Variants in SLC16A7 observed in about 807,000 individuals in gnomAD.
SLC16A7 encodes solute carrier family 16 member 7.
Under a neutral mutation model 34.9 loss-of-function variants are expected in SLC16A7, and 33 were observed. The observed-to-expected ratio is 0.94, with a 90% CI of 0.72 to 1.26. SLC16A7 has a LOEUF of 1.26. SLC16A7 is among the 50% of genes most tolerant of loss of function. SLC16A7 has a pLI of 0.00. For missense variants in SLC16A7, 573 were observed against 578.1 expected, an observed-to-expected ratio of 0.99 and a Z score of 0.09; for synonymous variants, 201 against 206.6, an observed-to-expected ratio of 0.97 and a Z score of 0.23.
chr12:59,615,052 G>T (rs577854416), intron 1 of SLC16A7, among the ~76,000 whole-genome samples: 18 of 151,600 alleles, frequency 1.2e-4, no homozygotes, highest in African/African-American at 3.6e-4. Context: ...AAGAGGCTCC[G>T]TGCAGCATTT....
chr12:59,690,856 A>G (rs1871565184), intron 2 of SLC16A7, among the ~76,000 whole-genome samples: 1 of 151,996 alleles, frequency 6.6e-6, no homozygotes. Flanking sequence ...TAAACACTAG[A>G]TAATATCTAT....
intron 4 of SLC16A7, among the ~76,000 whole-genome samples, chr12:59,773,700 G>A (rs2137450811): frequency 6.6e-6 from 1 of 152,202 alleles, no homozygotes; most frequent in Non-Finnish European, 1.5e-5. Context: ...AAGTAGCTGG[G>A]ATTACAGGCA....
At chr12:59,639,903 G>T (rs1880599230) in intron 1 of SLC16A7, among the ~76,000 whole-genome samples, 1 of 152,150 alleles carries the variant, frequency 6.6e-6, no homozygotes, top group Non-Finnish European at 1.5e-5. Flanking sequence ...ATCACATGTA[G>T]TATGTCCCCA....
At position 59,774,657 on chromosome 12, in the gene SLC16A7, G is replaced by T; in HGVS notation, c.362G>T (p.Gly121Val). The T allele has an allele frequency of 1.9e-6, 3 of 1,561,142 alleles. No individual in the cohort carries two copies. Among genetic ancestry groups the T allele is most frequent in the Middle Eastern group, 1.9e-4 (1 of 5,366 alleles). ...CCCACTTTTGTTTTGTTCTTTTTAG[G>T]TTTAGGTTTAGCCTTCAACCTGCAA... ...QLYLTMGFITGLGLAFNLQPA... is the reference protein window; with the variant it reads ...QLYLTMGFITVLGLAFNLQPA... The change falls in exon 5 of 6, where the codon GGT becomes GTT. Residue 121 changes from glycine to valine, a missense_variant and splice_region_variant. Transcript: ENST00000547379.
chr12:59,750,617 G>A (rs988874374), intron 3 of SLC16A7, among the ~76,000 whole-genome samples: 2 of 152,218 alleles, frequency 1.3e-5, no homozygotes, highest in African/African-American at 2.4e-5. Context: ...TGGTGGAAGT[G>A]TAAATTAGTT....
chr12:59,700,119 G>A (rs1872716820), intron 2 of SLC16A7, among the ~76,000 whole-genome samples: 1 of 151,764 alleles, frequency 6.6e-6, no homozygotes, highest in Non-Finnish European at 1.5e-5. Flanking sequence ...CAATGTCAGT[G>A]AATCAGCAAT....
rs1324579419 is a variant in SLC16A7, at chr12:59,786,904, A to G, written c.*7225A>G. Reference sequence around the variant, plus strand: ...ATATAACAACCCTACTTGATAGTTTATAGCCCAAATGAATATATTTTTCCA... The same window carrying G: ...ATATAACAACCCTACTTGATAGTTTGTAGCCCAAATGAATATATTTTTCCA... On this transcript the variant is annotated 3_prime_UTR_variant, in exon 6 of 6. Transcript: ENST00000547379. The G allele has an allele frequency of 1.3e-5, 2 of 152,160 alleles. No individual in the cohort carries two copies. The highest frequency in any genetic ancestry group is 2.4e-5 in the African/African-American group (1 of 41,458). 9.4% of individuals were successfully genotyped at this position (152,160 alleles called of 1,614,324 possible).
At chr12:59,639,998 C>A (rs912026438) in intron 1 of SLC16A7, among the ~76,000 whole-genome samples, 2 of 152,048 alleles carry the variant, frequency 1.3e-5, no homozygotes, top group African/African-American at 4.8e-5. Flanking sequence ...TAGAACAGCT[C>A]GCAGAACTCA....
Position 59,614,734 on chromosome 12 carries a change from C to T in SLC16A7, c.-130+18498C>T, listed in dbSNP as rs140135469. On this transcript the variant is annotated intron_variant, in intron 1 of 5. Coordinates refer to ENST00000547379, the MANE Select transcript of SLC16A7 (RefSeq NM_001270623.2). ...GCATGGTGGCTCAAGGCTGTAATCC[C>T]ACCCAGCACTTTGGGAGGCCGAAGC... Among the ~76,000 whole-genome samples the T allele has an allele frequency of 5.7e-3, 849 of 149,344 alleles. 5 individuals carry two copies. The highest frequency in any genetic ancestry group is 0.02 in the African/African-American group (813 of 40,388).
rs140968673 is a variant in SLC16A7, at chr12:59,771,337, G to A, written c.336G>A (p.Leu112=). Residue 112 remains leucine (L), a synonymous_variant, in exon 4 of 6, where the codon CTG becomes CTA. Coordinates refer to ENST00000547379, the MANE Select transcript of SLC16A7 (RefSeq NM_001270623.2). ...CCTTTAGTAGCAGCGTGGTACAGCTGTACCTCACTATGGGATTCATTACAG... is the reference window on the plus strand; with the variant it reads ...CCTTTAGTAGCAGCGTGGTACAGCTATACCTCACTATGGGATTCATTACAG... ...LASFSSSVVQ[L]YLTMGFITGL... 1.6e-5 allele frequency: 26 copies of A among 1,609,678 alleles called. No individual in the cohort carries two copies. Among genetic ancestry groups the A allele is most frequent in the Non-Finnish European group, 2.0e-5 (23 of 1,177,992 alleles).
intron 3 of SLC16A7, among the ~76,000 whole-genome samples, chr12:59,727,622 T>A (rs148320734): frequency 8.4e-4 from 128 of 152,256 alleles, no homozygotes; most frequent in Non-Finnish European, 1.8e-4. Flanking sequence ...TTAAGTTCTA[T>A]AACAAAGGAA....
intron 1 of SLC16A7, among the ~76,000 whole-genome samples, chr12:59,613,281 A>C (rs960420253): frequency 3.9e-5 from 6 of 152,218 alleles, no homozygotes; most frequent in African/African-American, 1.4e-4. Flanking sequence ...CTCACTCACT[A>C]TCATGAGAAA....
intron 1 of SLC16A7, among the ~76,000 whole-genome samples, chr12:59,602,584 A>T (rs1275180806): frequency 6.7e-6 from 1 of 149,746 alleles, no homozygotes; most frequent in East Asian, 2.0e-4. Context: ...CCTGAGTTCA[A>T]GTGATTCTCC....
rs1883781446 is a variant in SLC16A7 at position 59,788,606 on chromosome 12, A to G, written c.*8927A>G. ...ATAATACATTTAAAATACCTGTCAA[A>G]GTTTTAAAATATAAGATAGAACCTT... On this transcript the variant is annotated 3_prime_UTR_variant, in exon 6 of 6. Coordinates refer to ENST00000547379, the MANE Select transcript of SLC16A7 (RefSeq NM_001270623.2). 1 of 152,048 alleles carries G rather than the reference A, an allele frequency of 6.6e-6. No homozygotes were observed. The highest frequency in any genetic ancestry group is 2.1e-4 in the South Asian group (1 of 4,830). 9.4% of individuals were successfully genotyped at this position (152,048 alleles called of 1,614,324 possible).
chr12:59,787,666 T>A lies in SLC16A7; in HGVS notation c.*7987T>A, dbSNP rs1883718342. ...GCCTAGTTCATCAAGATATTTACCC[T>A]AAAAACACATTTTAATAAAAATTTG... On this transcript the variant is annotated 3_prime_UTR_variant, in exon 6 of 6. Transcript: ENST00000547379. 2 of 152,190 alleles carry A rather than the reference T, an allele frequency of 1.3e-5. No homozygotes were observed. Among genetic ancestry groups the A allele is most frequent in the Non-Finnish European group, 2.9e-5 (2 of 68,026 alleles). The allele number at this position is 152,190 out of a possible 1,614,324, so 9.4% of individuals were successfully genotyped here.
intron 1 of SLC16A7, among the ~76,000 whole-genome samples, chr12:59,640,769 C>A (rs1164916321): frequency 6.6e-6 from 1 of 151,958 alleles, no homozygotes; most frequent in Non-Finnish European, 1.5e-5. Flanking sequence ...CATCCTTCAT[C>A]TTGGAAGCCT....
chr12:59,626,344 T>C (rs1822024661), intron 1 of SLC16A7, among the ~76,000 whole-genome samples: 1 of 151,786 alleles, frequency 6.6e-6, no homozygotes, highest in African/African-American at 2.4e-5. Context: ...AGTTATGTTC[T>C]GGGTTATTTC....
intron 1 of SLC16A7, among the ~76,000 whole-genome samples, chr12:59,628,268 A>T (rs1002597399): frequency 6.6e-6 from 1 of 151,850 alleles, no homozygotes; most frequent in Non-Finnish European, 1.5e-5. Flanking sequence ...GCTCTTTTAA[A>T]GTCTTAAATT....
rs564394220 is a variant in SLC16A7 at position 59,622,078 on chromosome 12, A to G, written c.-130+25842A>G. Among the ~76,000 whole-genome samples, 12 of 151,980 alleles carry G rather than the reference A, an allele frequency of 7.9e-5. No homozygotes were observed. The East Asian group carries it at 1.4e-3, about 17-fold the overall frequency. ...GTGTGAATGCACTGTGGGCCTCCCAAGTATTCTGCTGTGTGCTCAAAATAA... is the reference window on the plus strand; with the variant it reads ...GTGTGAATGCACTGTGGGCCTCCCAGGTATTCTGCTGTGTGCTCAAAATAA... On this transcript the variant is annotated intron_variant, in intron 1 of 5. Coordinates refer to ENST00000547379, the MANE Select transcript of SLC16A7 (RefSeq NM_001270623.2).
Sources: allele counts gnomAD v4.1 joint callset (sites outside exome capture counted in the v4.1 genomes callset), GRCh38; gene constraint gnomAD v4.1.1; transcripts MANE v1.5; gene names NCBI Gene and HGNC (gene_info 2026-07-23, HGNC 2026-07-21).